The following TNRC6A variants were observed in gnomAD, a reference collection of about 807,000 sequenced individuals.
TNRC6A encodes trinucleotide repeat-containing gene 6A protein.
A neutral mutation model predicts 221.2 loss-of-function variants in TNRC6A; 44 were observed. The ratio of observed to expected loss-of-function variants is 0.20; its 90% CI spans 0.16 to 0.26. The LOEUF (loss-of-function observed/expected upper bound fraction) is 0.26, where lower values mean the gene tolerates loss of function less well. TNRC6A is among the 10% of genes least tolerant of loss of function. The probability of loss-of-function intolerance (pLI) is 1.00; values close to 1 mark genes in which losing one functional copy is unlikely to be tolerated. For synonymous variants in TNRC6A, 847 were observed against 838.5 expected (o/e 1.01, Z -0.18); for missense variants, 2,199 against 2,404.4 (o/e 0.91, Z 1.79).
At chr16:24,641,202 T>G (rs1346744801) in intron 2 of TNRC6A, among the ~76,000 whole-genome samples, 2 of 152,150 alleles carry the variant, frequency 1.3e-5, no homozygotes, top group Non-Finnish European at 2.9e-5. Context: ...CAGAGGCCAA[T>G]GTACCATCAC....
At chr16:24,613,113 CTCA>C (rs1900145015) in intron 1 of TNRC6A, among the ~76,000 whole-genome samples, 1 of 73,020 alleles carries the variant, frequency 1.4e-5, no homozygotes, top group African/African-American at 6.5e-5. Flanking sequence ...GAGACTCTGT[CTCA>C]AAAAAAAAAA....
intron 2 of TNRC6A, among the ~76,000 whole-genome samples, chr16:24,648,502 C>G (rs562595092): frequency 6.6e-6 from 1 of 152,128 alleles, no homozygotes; most frequent in East Asian, 1.9e-4. Flanking sequence ...GATCTCCTGA[C>G]CTCATGATTC....
intron 1 of TNRC6A, among the ~76,000 whole-genome samples, chr16:24,634,049 T>C (rs1289144487): frequency 6.6e-6 from 1 of 152,140 alleles, no homozygotes; most frequent in Non-Finnish European, 1.5e-5. Context: ...CCCAAAGTGC[T>C]AGCATGACAG....
chr16:24,762,158 T>C (rs549391783), intron 4 of TNRC6A, among the ~76,000 whole-genome samples: 20 of 152,378 alleles, frequency 1.3e-4, no homozygotes, highest in Non-Finnish European at 2.6e-4. Context: ...TTTAGTTTAT[T>C]ACTGCCGCTC....
chr16:24,794,630 G>T lies in TNRC6A; in HGVS notation c.3439G>T (p.Val1147Leu). The change falls in exon 8 of 25, where the codon GTG becomes TTG. Residue 1147 changes from valine (V) to leucine (L), a missense_variant. Physicochemically the swap from Val to Leu is conservative, Grantham distance 32 (BLOSUM62 1). Transcript: ENST00000395799. ...RPTGWEEEED[V>L]EIGMWNSNSS... ...CACTGGCTGGGAAGAGGAAGAGGAT[G>T]TGGAGATTGGAATGTGGAATAGTAA... 1 of 1,614,086 alleles carries T rather than the reference G, an allele frequency of 6.2e-7. No individual in the cohort carries two copies. Among genetic ancestry groups the T allele is most frequent in the East Asian group, 2.2e-5 (1 of 44,878 alleles).
intron 2 of TNRC6A, among the ~76,000 whole-genome samples, chr16:24,668,846 A>G (rs2055229503): frequency 6.6e-6 from 1 of 152,192 alleles, no homozygotes; most frequent in African/African-American, 2.4e-5. Context: ...ATTTTGTGCT[A>G]GTGTGCCTTT....
At chr16:24,635,235 GA>G (rs1689872080) in intron 1 of TNRC6A, among the ~76,000 whole-genome samples, 1 of 146,588 alleles carries the variant, frequency 6.8e-6, no homozygotes, top group Non-Finnish European at 1.5e-5. Flanking sequence ...CCTTCATCTG[GA>G]TTGTTTTACT....
At chr16:24,692,205 A>T (rs1352118653) in intron 2 of TNRC6A, among the ~76,000 whole-genome samples, 1 of 152,150 alleles carries the variant, frequency 6.6e-6, no homozygotes, top group Admixed American at 6.6e-5. Flanking sequence ...AGCAGCAAAG[A>T]TCTTCATCCT....
chr16:24,805,675 T>C lies in TNRC6A; in HGVS notation c.4193T>C (p.Val1398Ala). The change falls in exon 15 of 25, where the codon GTA becomes GCA. Residue 1398 changes from valine (V) to alanine (A), a missense_variant. Transcript: ENST00000395799. The part of the protein sequence containing the change: ...GLNPLFGPQQ[V>A]AMLNQLSQLN... ...AATCCACTCTTTGGCCCTCAACAGG[T>C]AGCCATGCTGAACCAGCTATCCCAG... is the stretch of plus-strand genomic sequence containing the variant. 2 of 1,614,222 alleles carry C rather than the reference T, an allele frequency of 1.2e-6. No individual in the cohort carries two copies. Among genetic ancestry groups the C allele is most frequent in the Non-Finnish European group, 1.7e-6 (2 of 1,180,032 alleles).
At chr16:24,660,938 T>A (rs1221417575) in intron 2 of TNRC6A, among the ~76,000 whole-genome samples, 1 of 151,944 alleles carries the variant, frequency 6.6e-6, no homozygotes, top group Non-Finnish European at 1.5e-5. Flanking sequence ...AGACGGGGTT[T>A]CACCGTGTAA....
At chr16:24,821,503 G>A (rs1003390617) in intron 22 of TNRC6A, among the ~76,000 whole-genome samples, 12 of 152,286 alleles carry the variant, frequency 7.9e-5, no homozygotes, top group Admixed American at 6.5e-4. Flanking sequence ...GTCATGGAAT[G>A]GTCTTTCCCA....
chr16:24,727,428 G>T (rs2056511145), upstream of TNRC6A, among the ~76,000 whole-genome samples: 2 of 152,160 alleles, frequency 1.3e-5, no homozygotes, highest in African/African-American at 4.8e-5. Context: ...CTCCCGTGTT[G>T]TAGGGGACTG....
intron 2 of TNRC6A, among the ~76,000 whole-genome samples, chr16:24,717,710 T>C (rs2056338012): frequency 6.6e-6 from 1 of 151,748 alleles, no homozygotes; most frequent in Non-Finnish European, 1.5e-5. Context: ...AGAACAACGA[T>C]GCTTGTTGTC....
intron 5 of TNRC6A, among the ~76,000 whole-genome samples, chr16:24,788,156 C>T (rs977170434): frequency 6.6e-6 from 1 of 152,196 alleles, no homozygotes; most frequent in African/African-American, 2.4e-5. Context: ...TAATACATAG[C>T]AGGAAGTCCA....
At chr16:24,748,733 A>C (rs1355627424) in intron 2 of TNRC6A, among the ~76,000 whole-genome samples, 1 of 152,106 alleles carries the variant, frequency 6.6e-6, no homozygotes, top group Non-Finnish European at 1.5e-5. Flanking sequence ...CTATAGCAAC[A>C]ACCCCTTCCA....
At chr16:24,708,585 C>T (rs569090291) in intron 2 of TNRC6A, among the ~76,000 whole-genome samples, 3 of 152,064 alleles carry the variant, frequency 2.0e-5, no homozygotes, top group South Asian at 2.1e-4. Context: ...TTGGTGCACC[C>T]GTCACCCTAG....
chr16:24,808,223 CAT>C (rs999654992), intron 17 of TNRC6A, among the ~76,000 whole-genome samples: 1 of 152,214 alleles, frequency 6.6e-6, no homozygotes, highest in African/African-American at 2.4e-5. Context: ...GCACACTTGA[CAT>C]ATAAATTGGC....
At chr16:24,690,830 C>T (rs1420778265) in intron 2 of TNRC6A, among the ~76,000 whole-genome samples, 3 of 142,840 alleles carry the variant, frequency 2.1e-5, no homozygotes, top group East Asian at 4.0e-4. Context: ...TTTTTTGAGA[C>T]GGAGTCTTGC....
chr16:24,700,531 C>T (rs1160564268), intron 2 of TNRC6A, among the ~76,000 whole-genome samples: 1 of 152,086 alleles, frequency 6.6e-6, no homozygotes, highest in East Asian at 1.9e-4. Context: ...GCCACCGTGC[C>T]CAGCCTATGT....
Sources: allele counts gnomAD v4.1 joint callset (sites outside exome capture counted in the v4.1 genomes callset), GRCh38; gene constraint gnomAD v4.1.1; transcripts MANE v1.5; gene names NCBI Gene and HGNC (gene_info 2026-07-23, HGNC 2026-07-21).